RAD51B: variants seen among roughly 807,000 people sequenced by gnomAD.
The protein encoded by RAD51B is DNA repair protein RAD51 homolog 2.
In RAD51B, 38 loss-of-function variants were observed where a neutral mutation model predicts 42.2. That is an observed-to-expected ratio of 0.90 (90% CI 0.70 to 1.18). The LOEUF is 1.18. RAD51B is among the 50% of genes most tolerant of loss of function. The probability of loss-of-function intolerance (pLI) is 0.00; values close to 1 mark genes in which losing one functional copy is unlikely to be tolerated. For synonymous variants in RAD51B, 154 were observed against 145.2 expected (o/e 1.06, Z -0.43); for missense variants, 373 against 400.7 (o/e 0.93, Z 0.59).
intron 10 of RAD51B, among the ~76,000 whole-genome samples, chr14:68,569,823 G>C (rs1048626058): frequency 6.6e-6 from 1 of 152,146 alleles, no homozygotes; most frequent in Non-Finnish European, 1.5e-5. Flanking sequence ...TCAGTAGGGA[G>C]CCCCCCAACC....
chr14:68,465,951 A>AAAAAATAAAT (rs368641918), intron 9 of RAD51B, among the ~76,000 whole-genome samples: 31 of 90,508 alleles, frequency 3.4e-4, no homozygotes, highest in Non-Finnish European at 4.8e-4. Context: ...AAAAAAAAAA[A>AAAAAATAAAT]AAATAAATAA....
At chr14:68,193,486 T>C (rs1257114402) in intron 7 of RAD51B, among the ~76,000 whole-genome samples, 1 of 152,186 alleles carries the variant, frequency 6.6e-6, no homozygotes, top group African/African-American at 2.4e-5. Context: ...TCTTGTTTTC[T>C]CATAACTGGA....
At chr14:67,996,412 T>TAATA (rs139583137) in intron 7 of RAD51B, among the ~76,000 whole-genome samples, 9,107 of 147,396 alleles carry the variant, frequency 0.062, 280 homozygotes, top group East Asian at 0.081. Flanking sequence ...ATAACAACAA[T>TAATA]AATAAATAAA....
intron 11 of RAD51B, among the ~76,000 whole-genome samples, chr14:68,672,645 G>A (rs952478779): frequency 2.8e-4 from 43 of 152,262 alleles, no homozygotes; most frequent in Non-Finnish European, 5.6e-4. Flanking sequence ...ATAAAATGGG[G>A]AAATCAGTGT....
At chr14:67,877,413 A>T (rs1304861521) in intron 5 of RAD51B, among the ~76,000 whole-genome samples, 1 of 152,130 alleles carries the variant, frequency 6.6e-6, no homozygotes, top group Non-Finnish European at 1.5e-5. Context: ...GTTGGAAAAA[A>T]TGATTGACTC....
chr14:68,434,631 G>T (rs373663078), intron 9 of RAD51B, among the ~76,000 whole-genome samples: 1 of 152,180 alleles, frequency 6.6e-6, no homozygotes, highest in Non-Finnish European at 1.5e-5. Context: ...GATTTTCCAG[G>T]TGCTGTCGGT....
At chr14:68,039,476 T>C (rs1320222073) in intron 7 of RAD51B, among the ~76,000 whole-genome samples, 2 of 150,796 alleles carry the variant, frequency 1.3e-5, no homozygotes, top group Non-Finnish European at 3.0e-5. Context: ...ACCATTATAC[T>C]ATGAATAGCA....
chr14:67,935,422 T>C (rs2044902071), intron 7 of RAD51B, among the ~76,000 whole-genome samples: 2 of 152,224 alleles, frequency 1.3e-5, no homozygotes, highest in Admixed American at 6.5e-5. Flanking sequence ...GGGAGTTCAA[T>C]GGCTCGATTA....
At chr14:68,058,804 A>G (rs569135189) in intron 7 of RAD51B, among the ~76,000 whole-genome samples, 1 of 152,298 alleles carries the variant, frequency 6.6e-6, no homozygotes, top group Admixed American at 6.5e-5. Flanking sequence ...AACAGTGCAC[A>G]TTTAAAATTT....
At chr14:68,438,055 TTAAAGA>T (rs1366224706) in intron 9 of RAD51B, among the ~76,000 whole-genome samples, 1 of 151,934 alleles carries the variant, frequency 6.6e-6, no homozygotes, top group Admixed American at 6.6e-5. Flanking sequence ...CTGTATGTAG[TTAAAGA>T]TAAAGTAAGG....
intron 7 of RAD51B, among the ~76,000 whole-genome samples, chr14:68,080,457 GA>G (rs1345863828): frequency 2.4e-4 from 37 of 152,124 alleles, no homozygotes; most frequent in Admixed American, 2.2e-3. Context: ...GCTAATGTTT[GA>G]ATAGCTCTAT....
At chr14:68,673,816 AC>A (rs1893235702) in intron 11 of RAD51B, among the ~76,000 whole-genome samples, 1 of 152,068 alleles carries the variant, frequency 6.6e-6, no homozygotes, top group South Asian at 2.1e-4. Flanking sequence ...ACATGTACAC[AC>A]ATACACATAC....
chr14:67,835,420 C>T (rs796898379), intron 4 of RAD51B, among the ~76,000 whole-genome samples: 1 of 151,994 alleles, frequency 6.6e-6, no homozygotes, highest in Non-Finnish European at 1.5e-5. Context: ...ACTTAGGTTG[C>T]TGTTTCATTG....
At chr14:68,056,610 G>C (rs191804419) in intron 7 of RAD51B, among the ~76,000 whole-genome samples, 2 of 151,700 alleles carry the variant, frequency 1.3e-5, no homozygotes, top group Non-Finnish European at 2.9e-5. Context: ...TTAGCCAGGC[G>C]TGGTGATGTG....
chr14:68,431,157 A>G (rs2084993504), intron 9 of RAD51B, among the ~76,000 whole-genome samples: 1 of 152,080 alleles, frequency 6.6e-6, no homozygotes, highest in Non-Finnish European at 1.5e-5. Flanking sequence ...GTTTGCCAGT[A>G]TTTTATTGAG....
chr14:68,253,080 C>CAA (rs750026666), intron 7 of RAD51B, among the ~76,000 whole-genome samples: 22 of 108,602 alleles, frequency 2.0e-4, no homozygotes, highest in African/African-American at 7.2e-4. Context: ...AGGACTCCGT[C>CAA]AAAAAAAAAA....
At chr14:68,189,196 T>A (rs1159326340) in intron 7 of RAD51B, among the ~76,000 whole-genome samples, 1 of 152,142 alleles carries the variant, frequency 6.6e-6, no homozygotes, top group Non-Finnish European at 1.5e-5. Flanking sequence ...ATACAGTTGA[T>A]GTATTTGCCA....
In RAD51B at chr14:68,007,990, A is replaced by G. The variant is rs143836963; in HGVS notation, c.756+120786A>G. ...TGCGTATTATATTTTTAAAAATATG[A>G]TTTTTTTTGTGGGTGAGTATGGGGT... On this transcript the variant is annotated intron_variant, in intron 7 of 10. Coordinates refer to ENST00000471583, the MANE Select transcript of RAD51B (RefSeq NM_133510.4). Among the ~76,000 whole-genome samples, 488 of 151,816 alleles carry G rather than the reference A, an allele frequency of 3.2e-3. 4 individuals are homozygous for G. The highest frequency in any genetic ancestry group is 3.5e-3 in the Non-Finnish European group (236 of 67,802).
Position 68,023,413 on chromosome 14 carries a change from C to T in RAD51B, c.756+136209C>T, listed in dbSNP as rs111508439. On this transcript the variant is annotated intron_variant, in intron 7 of 10. Transcript: ENST00000471583. ...TGAAGTCCTGGCTGACTGCAACCTCCGCCTCCCAGGTTCAAGCGGTTCTCC... is the reference window on the plus strand; with the variant it reads ...TGAAGTCCTGGCTGACTGCAACCTCTGCCTCCCAGGTTCAAGCGGTTCTCC... 7.9e-5 allele frequency among the ~76,000 whole-genome samples: 12 copies of T among 152,242 alleles called. No individual in the cohort carries two copies. In the East Asian group the frequency reaches 9.7e-4, roughly 12 times the overall value.
Sources: allele counts gnomAD v4.1 joint callset (sites outside exome capture counted in the v4.1 genomes callset), GRCh38; gene constraint gnomAD v4.1.1; transcripts MANE v1.5; gene names NCBI Gene and HGNC (gene_info 2026-07-23, HGNC 2026-07-21).